Variants in KATNIP observed in about 807,000 individuals in gnomAD.
KATNIP encodes the protein katanin interacting protein.
Under a neutral mutation model 174.0 loss-of-function variants are expected in KATNIP, and 126 were observed. The ratio of observed to expected loss-of-function variants is 0.72; its 90% confidence interval spans 0.63 to 0.84. The LOEUF (loss-of-function observed/expected upper bound fraction) is 0.84, where lower values mean the gene tolerates loss of function less well. Among genes scored for constraint, KATNIP ranks in the 40% least tolerant of loss-of-function variants. The pLI is 0.00. For missense variants in KATNIP, 1,958 were observed against 2,109.7 expected (o/e 0.93, Z 1.41); for synonymous variants, 810 against 835.7 (o/e 0.97, Z 0.53).
At chr16:27,655,544 C>A (rs940204783) in intron 6 of KATNIP, among the ~76,000 whole-genome samples, 1 of 151,964 alleles carries the variant, frequency 6.6e-6, no homozygotes, top group African/African-American at 2.4e-5. Flanking sequence ...GCCGCTGCGC[C>A]TGGCCAGAAG....
At chr16:27,552,600 C>T (rs1369379023) in intron 1 of KATNIP, among the ~76,000 whole-genome samples, 1 of 151,556 alleles carries the variant, frequency 6.6e-6, no homozygotes, top group Non-Finnish European at 1.5e-5. Flanking sequence ...GTCGCAAACT[C>T]CTGACCTCAG....
chr16:27,732,739 C>A lies in KATNIP; in HGVS notation c.1744-7302C>A, dbSNP rs529740844. Among the ~76,000 whole-genome samples the A allele has an allele frequency of 6.6e-5, 10 of 152,292 alleles. No individual in the cohort carries two copies. In the South Asian group the frequency reaches 2.1e-3, roughly 32 times the overall value. ...CATAGCCCTCCATATCTCGATAGAC[C>A]TACAGTTAGGATAAAAGCAGTGAGT... On this transcript the variant is annotated intron_variant, in intron 14 of 27. Transcript: ENST00000261588.
chr16:27,736,041 C>T (rs1297998579), intron 14 of KATNIP, among the ~76,000 whole-genome samples: 1 of 152,222 alleles, frequency 6.6e-6, no homozygotes, highest in Non-Finnish European at 1.5e-5. Flanking sequence ...TCACTGTCGT[C>T]ACCCAGGCTG....
intron 15 of KATNIP, among the ~76,000 whole-genome samples, chr16:27,743,252 T>C (rs1263596003): frequency 1.3e-5 from 2 of 152,176 alleles, no homozygotes; most frequent in African/African-American, 4.8e-5. Context: ...CTTTATCCAG[T>C]CTATCATTGA....
intron 14 of KATNIP, among the ~76,000 whole-genome samples, chr16:27,737,345 G>C (rs918111757): frequency 6.6e-6 from 1 of 152,128 alleles, no homozygotes; most frequent in Non-Finnish European, 1.5e-5. Context: ...TCGAGCCACT[G>C]TAACGCCAGC....
rs544592785 is a variant in KATNIP at position 27,627,220 on chromosome 16, T to C, written c.141-1441T>C. ...CAAGGCAATTCTCTGCCTCTCATAC[T>C]ATAAACAAGTGTCCTTTTTGCCTTG... On this transcript the variant is annotated intron_variant, in intron 3 of 27. Coordinates refer to ENST00000261588, the MANE Select transcript of KATNIP (RefSeq NM_015202.5). Among the ~76,000 whole-genome samples the C allele has an allele frequency of 1.7e-4, 26 of 152,374 alleles. No homozygotes were observed. In the South Asian group the frequency reaches 5.0e-3, roughly 29 times the overall value.
chr16:27,710,429 G>C (rs2079522978), intron 13 of KATNIP, among the ~76,000 whole-genome samples: 1 of 152,096 alleles, frequency 6.6e-6, no homozygotes, highest in Non-Finnish European at 1.5e-5. Flanking sequence ...TTTCCTTCCT[G>C]CTACTTGCAA....
At chr16:27,554,436 G>C (rs2089524657) in intron 1 of KATNIP, among the ~76,000 whole-genome samples, 1 of 152,174 alleles carries the variant, frequency 6.6e-6, no homozygotes, top group Admixed American at 6.5e-5. Context: ...CTGTATTGCA[G>C]CCTGGGCAAC....
Position 27,642,576 on chromosome 16 carries a change from G to C in KATNIP, c.409-6028G>C, listed in dbSNP as rs193043742. 5.3e-3 allele frequency among the ~76,000 whole-genome samples: 814 copies of C among 152,230 alleles called. 7 individuals are homozygous for C. Among genetic ancestry groups the C allele is most frequent in the African/African-American group, 0.019 (783 of 41,520 alleles). ...CGGTTTTGGTTATATGTTCCGGGTAGTGCTTTCCCTCCACAGCCCTAGCGC... is the reference window on the plus strand; with the variant it reads ...CGGTTTTGGTTATATGTTCCGGGTACTGCTTTCCCTCCACAGCCCTAGCGC... On this transcript the variant is annotated intron_variant, in intron 5 of 27. Coordinates refer to ENST00000261588, the MANE Select transcript of KATNIP (RefSeq NM_015202.5).
intron 3 of KATNIP, among the ~76,000 whole-genome samples, chr16:27,619,665 C>G (rs1287543531): frequency 6.6e-6 from 1 of 152,190 alleles, no homozygotes; most frequent in African/African-American, 2.4e-5. Flanking sequence ...AGCCCCTTTA[C>G]TAAATTTCAG....
chr16:27,556,884 C>T (rs999781496), intron 1 of KATNIP, among the ~76,000 whole-genome samples: 7 of 152,172 alleles, frequency 4.6e-5, no homozygotes, highest in African/African-American at 1.7e-4. Flanking sequence ...CTGTTTTCTT[C>T]TTGTTCCAAT....
chr16:27,627,003 G>A (rs2076354560), intron 3 of KATNIP, among the ~76,000 whole-genome samples: 1 of 150,298 alleles, frequency 6.7e-6, no homozygotes, highest in African/African-American at 2.4e-5. Flanking sequence ...TAGGATTATT[G>A]TGAAGAGTAA....
At chr16:27,764,389 A>G (rs954135022) in intron 19 of KATNIP, among the ~76,000 whole-genome samples, 3 of 152,238 alleles carry the variant, frequency 2.0e-5, no homozygotes, top group Non-Finnish European at 4.4e-5. Context: ...TGATGTTTAA[A>G]TCATTCCCTC....
intron 2 of KATNIP, among the ~76,000 whole-genome samples, chr16:27,604,531 G>A (rs1246480124): frequency 6.6e-6 from 1 of 152,150 alleles, no homozygotes; most frequent in Non-Finnish European, 1.5e-5. Flanking sequence ...CACCGCACTC[G>A]ACTGTCTTAC....
At position 27,763,159 on chromosome 16, in the gene KATNIP, A is replaced by T. The variant is rs183410948; in HGVS notation, c.3809+1569A>T. 1.1e-3 allele frequency among the ~76,000 whole-genome samples: 167 copies of T among 151,790 alleles called. 2 individuals are homozygous for T. Among genetic ancestry groups the T allele is most frequent in the African/African-American group, 3.9e-3 (162 of 41,362 alleles). On this transcript the variant is annotated intron_variant, in intron 19 of 27. Coordinates refer to ENST00000261588, the MANE Select transcript of KATNIP (RefSeq NM_015202.5). ...TGAGAATGTGTCTCTACAAAAGAAA[A>T]AAAAAATTAGCCAGGCACTGTGGCA...
chr16:27,681,882 C>T (rs558478809), intron 8 of KATNIP, among the ~76,000 whole-genome samples: 2 of 152,198 alleles, frequency 1.3e-5, no homozygotes, highest in Non-Finnish European at 2.9e-5. Context: ...CCTGATTGGC[C>T]GAGGCCCACT....
chr16:27,620,153 C>T (rs1283023264), intron 3 of KATNIP, among the ~76,000 whole-genome samples: 1 of 152,126 alleles, frequency 6.6e-6, no homozygotes, highest in Admixed American at 6.5e-5. Context: ...AGCACAAAGA[C>T]AATTAAAAGC....
At chr16:27,595,627 C>T (rs572254381) in intron 2 of KATNIP, among the ~76,000 whole-genome samples, 1 of 152,262 alleles carries the variant, frequency 6.6e-6, no homozygotes, top group East Asian at 1.9e-4. Context: ...AAACATTGTC[C>T]CAGGCCCTGG....
chr16:27,578,334 A>G (rs2090573625), intron 2 of KATNIP, among the ~76,000 whole-genome samples: 1 of 152,156 alleles, frequency 6.6e-6, no homozygotes, highest in African/African-American at 2.4e-5. Context: ...CTCTATCTCA[A>G]AAAAAGAAAA....
Sources: allele counts gnomAD v4.1 joint callset (sites outside exome capture counted in the v4.1 genomes callset), GRCh38; gene constraint gnomAD v4.1.1; transcripts MANE v1.5; gene names NCBI Gene and HGNC (gene_info 2026-07-23, HGNC 2026-07-21).